Variants in SAMD11 observed in about 807,000 individuals in gnomAD.
The protein encoded by SAMD11 is sterile alpha motif domain-containing protein 11.
Under a neutral mutation model 64.4 loss-of-function variants are expected in SAMD11, and 77 were observed. That is an observed-to-expected ratio of 1.20 (90% CI 0.99 to 1.44). The LOEUF is 1.44. Among genes scored for constraint, SAMD11 ranks in the 40% most tolerant of loss-of-function variants. The pLI is 0.00. For missense variants in SAMD11, 1,402 were observed against 943.3 expected, an observed-to-expected ratio of 1.49 and a Z score of -6.37; for synonymous variants, 658 against 421.9, an observed-to-expected ratio of 1.56 and a Z score of -6.86.
At chr1:932,427 G>A (rs1242223416) in intron 4 of SAMD11, among the ~76,000 whole-genome samples, 1 of 152,220 alleles carries the variant, frequency 6.6e-6, no homozygotes. Flanking sequence ...AAGGGGCTAG[G>A]ATGAGTTTCT....
In SAMD11 at chr1:930,071, G is replaced by A. The variant is rs981273314; in HGVS notation, c.610-84G>A. 53 of 1,445,528 alleles carry A rather than the reference G, an allele frequency of 3.7e-5. No individual in the cohort carries two copies. The African/African-American group carries it at 4.7e-4, about 13-fold the overall frequency. The allele number at this position is 1,445,528 out of a possible 1,614,324, so 89.5% of individuals were successfully genotyped here. A position where few individuals can be genotyped will look rare whatever the true frequency, so the allele number is the denominator to read the frequency against. ...AGGGCAGACCCCCGGGAGATGGAAC[G>A]GCCCGGTCCAGCCCCACCTTCCTCT... On this transcript the variant is annotated intron_variant, in intron 2 of 13. Coordinates refer to ENST00000616016, the MANE Select transcript of SAMD11 (RefSeq NM_001385641.1).
In SAMD11 at chr1:942,417, C is replaced by T. The variant is rs1369448270; in HGVS notation, c.1482C>T (p.Gly494=). 6 of 1,482,904 alleles carry T rather than the reference C, an allele frequency of 4.0e-6. No individual in the cohort carries two copies. The highest frequency in any genetic ancestry group is 5.3e-6 in the Non-Finnish European group (6 of 1,122,758). The allele number at this position is 1,482,904 out of a possible 1,614,324, so 91.9% of individuals were successfully genotyped here. A position where few individuals can be genotyped will look rare whatever the true frequency, so the allele number is the denominator to read the frequency against. Reference sequence around the variant, plus strand: ...TGTCCCCCTCCCCACCAGGCTACGGCTTCCTGCCCCCCGCGCAGGCGGAGA... The same window carrying T: ...TGTCCCCCTCCCCACCAGGCTACGGTTTCCTGCCCCCCGCGCAGGCGGAGA... ...PSALCQTPGY[G]FLPPAQAEMF... The change falls in exon 10 of 14, where the codon GGC becomes GGT. Residue 494 remains glycine (G), a synonymous_variant. Transcript: ENST00000616016.
chr1:934,077 GCGTTACAGGTGGGCAGGGGAGGCGGCTC>G (rs1557603638), intron 4 of SAMD11, among the ~76,000 whole-genome samples: 2 of 2,040 alleles, frequency 9.8e-4, no homozygotes, highest in African/African-American at 7.8e-4. Flanking sequence ...GGAGGCGGCT[GCGTTACAGGTGGGCAGGGGAGGCGGCTC>G]CGTTACAGGT....
At position 942,140 on chromosome 1, in the gene SAMD11, C is replaced by T. The variant is rs1321609392; in HGVS notation, c.1363C>T (p.Leu455=). ...TCATTGCGCTGCCGTCCACAGGGAG[C>T]TGCCTCAGCCGCCCCCCTTGCTGTC... ...AAAPSFSERE[L]PQPPPLLSPQ... Residue 455 remains leucine (L), a synonymous_variant, in exon 9 of 14, where the codon CTG becomes TTG. Transcript: ENST00000616016. 2 of 1,353,554 alleles carry T rather than the reference C, an allele frequency of 1.5e-6. No individual in the cohort carries two copies. Among genetic ancestry groups the T allele is most frequent in the East Asian group, 5.7e-5 (2 of 34,898 alleles). The allele number at this position is 1,353,554 out of a possible 1,614,324, so 83.8% of individuals were successfully genotyped here. A position where few individuals can be genotyped will look rare whatever the true frequency, so the allele number is the denominator to read the frequency against.
chr1:938,015 G>GT (rs938418065), intron 5 of SAMD11, among the ~76,000 whole-genome samples: 1 of 152,212 alleles, frequency 6.6e-6, no homozygotes, highest in Non-Finnish European at 1.5e-5. Flanking sequence ...TCACAGGGGA[G>GT]TGGCCCCTCA....
rs1236337575 is a variant in SAMD11 at position 943,788 on chromosome 1, G to A, written c.2269G>A (p.Ala757Thr). 2.5e-6 allele frequency: 4 copies of A among 1,612,552 alleles called. No individual in the cohort carries two copies. Among genetic ancestry groups the A allele is most frequent in the South Asian group, 1.1e-5 (1 of 91,046 alleles). ...CAACATGGGGCTGAAGCTGGGGCCC[G>A]CCCTCAAGATCCGGGCCCAGGTGAG... Reference protein sequence around the residue: ...LTNMGLKLGPALKIRAQVARR... With the variant: ...LTNMGLKLGPTLKIRAQVARR... Residue 757 changes from alanine to threonine, a missense_variant, in exon 13 of 14, where the codon GCC (alanine) becomes ACC (threonine). Physicochemically the swap from Ala to Thr is moderately conservative, Grantham distance 58. Coordinates refer to ENST00000616016, the MANE Select transcript of SAMD11 (RefSeq NM_001385641.1).
intron 4 of SAMD11, among the ~76,000 whole-genome samples, chr1:932,413 C>G (rs1282593968): frequency 6.6e-6 from 1 of 152,186 alleles, no homozygotes; most frequent in African/African-American, 2.4e-5. Flanking sequence ...TGCACGGGCC[C>G]TAGAAGGGGC....
chr1:929,517 G>A (rs1412200971), intron 2 of SAMD11, among the ~76,000 whole-genome samples: 1 of 152,266 alleles, frequency 6.6e-6, no homozygotes, highest in African/African-American at 2.4e-5. Flanking sequence ...GCGTGGCGCT[G>A]ATGAAATAGA....
chr1:938,463 G>A (rs1641577018), intron 5 of SAMD11, among the ~76,000 whole-genome samples: 1 of 152,212 alleles, frequency 6.6e-6, no homozygotes, highest in South Asian at 2.1e-4. Flanking sequence ...GGCAGGACTG[G>A]GCCAGAGAGG....
At position 942,913 on chromosome 1, in the gene SAMD11, C is replaced by T; in HGVS notation, c.1908C>T (p.Asp636=). The part of the protein sequence containing the change: ...DEPPKDSDGE[D]PETAAVGCRG... ...CCCCCAAAGACTCGGACGGAGAGGA[C>T]CCCGAGACGGCAGCTGTTGGGTGCA... The change falls in exon 11 of 14, where the codon GAC becomes GAT. Residue 636 remains aspartate (D), a synonymous_variant. Transcript: ENST00000616016. 3 of 1,555,654 alleles carry T rather than the reference C, an allele frequency of 1.9e-6. No individual in the cohort carries two copies. The highest frequency in any genetic ancestry group is 1.7e-4 in the Middle Eastern group (1 of 5,986).
Position 931,027 on chromosome 1 carries a change from C to G in SAMD11, c.792-12C>G, listed in dbSNP as rs1267861518. ...CCAGAGCAACATGGACCTTCTGCTT[C>G]CCTTCCTGCAGAGTCCACACCCACT... is the stretch of plus-strand genomic sequence containing the variant. On this transcript the variant is annotated splice_polypyrimidine_tract_variant and intron_variant, in intron 3 of 13. Coordinates refer to ENST00000616016, the MANE Select transcript of SAMD11 (RefSeq NM_001385641.1). 1.9e-6 allele frequency: 3 copies of G among 1,611,774 alleles called. No homozygotes were observed. Among genetic ancestry groups the G allele is most frequent in the South Asian group, 1.1e-5 (1 of 91,062 alleles).
At position 931,051 on chromosome 1, in the gene SAMD11, C is replaced by T. The variant is rs2100309632; in HGVS notation, c.804C>T (p.His268=). 2 of 1,613,012 alleles carry T rather than the reference C, an allele frequency of 1.2e-6. No homozygotes were observed. The highest frequency in any genetic ancestry group is 1.7e-6 in the Non-Finnish European group (2 of 1,179,712). ...IRIMKRRVHT[H]WDVNISFREA... ...TCCCTTCCTGCAGAGTCCACACCCA[C>T]TGGGACGTGAACATCTCTTTCCGAG... Residue 268 remains histidine, a synonymous_variant, in exon 4 of 14, where the codon CAC becomes CAT. Coordinates refer to ENST00000616016, the MANE Select transcript of SAMD11 (RefSeq NM_001385641.1).
chr1:941,278 C>A lies in SAMD11; in HGVS notation c.1330C>A (p.Pro444Thr), dbSNP rs1261607217. 1 of 1,595,022 alleles carries A rather than the reference C, an allele frequency of 6.3e-7. No homozygotes were observed. Among genetic ancestry groups the A allele is most frequent in the South Asian group, 1.1e-5 (1 of 89,146 alleles). The change falls in exon 8 of 14, where the codon CCA (proline) becomes ACA (threonine). Residue 444 changes from proline to threonine, a missense_variant. By Grantham distance (38) the Pro-to-Thr change is conservative (BLOSUM62 -1). Coordinates refer to ENST00000616016, the MANE Select transcript of SAMD11 (RefSeq NM_001385641.1). ...GLAQHREGAA[P>T]AAAPSFSERE... ...GGCTCAGCACCGGGAGGGCGCCGCC[C>A]CAGCTGCCGCCCCGTCCTTCTCGGA... is the stretch of plus-strand genomic sequence containing the variant.
intron 5 of SAMD11, among the ~76,000 whole-genome samples, chr1:936,737 C>T (rs1641473764): frequency 6.6e-6 from 1 of 152,164 alleles, no homozygotes; most frequent in Non-Finnish European, 1.5e-5. Flanking sequence ...CCCCCATCCG[C>T]GTCCTCGTGC....
Position 943,037 on chromosome 1 carries a change from G to T in SAMD11, c.2032G>T (p.Val678Phe). The T allele has an allele frequency of 6.5e-7, 1 of 1,530,772 alleles. No homozygotes were observed. Among genetic ancestry groups the T allele is most frequent in the Non-Finnish European group, 8.8e-7 (1 of 1,140,794 alleles). The allele number at this position is 1,530,772 out of a possible 1,614,324, so 94.8% of individuals were successfully genotyped here. ...STLPLGFPYA[V>F]SPYFHTGAVG... ...ACTGCCCCTGGGCTTCCCTTATGCC[G>T]TCAGCCCCTACTTCCACACAGGTGG... The change falls in exon 11 of 14, where the codon GTC (valine) becomes TTC (phenylalanine). Residue 678 changes from valine (V) to phenylalanine (F), a missense_variant. Val to Phe is a conservative substitution (Grantham distance 50). Coordinates refer to ENST00000616016, the MANE Select transcript of SAMD11 (RefSeq NM_001385641.1).
chr1:927,635 G>A (rs954431844), intron 2 of SAMD11, among the ~76,000 whole-genome samples: 9 of 152,252 alleles, frequency 5.9e-5, no homozygotes, highest in African/African-American at 2.2e-4. Flanking sequence ...AAATCCGCAG[G>A]CATGTGCACC....
chr1:941,331 G>C (rs909769504), intron 8 of SAMD11, 25 bp downstream of exon 8: 7 of 1,521,146 alleles, frequency 4.6e-6, no homozygotes, highest in Non-Finnish European at 5.3e-6. Context: ...GCCGTTCTCT[G>C]CTTGTTTCTG....
At chr1:926,247 G>A (rs1489914286) in intron 2 of SAMD11, among the ~76,000 whole-genome samples, 2 of 152,230 alleles carry the variant, frequency 1.3e-5, no homozygotes, top group Non-Finnish European at 2.9e-5. Context: ...AGACAGGGGG[G>A]CCGCGCTTGT....
intron 5 of SAMD11, among the ~76,000 whole-genome samples, chr1:937,005 C>T (rs933633976): frequency 4.6e-5 from 7 of 152,218 alleles, no homozygotes; most frequent in East Asian, 1.9e-4. Context: ...GGGGGTTGCC[C>T]GGCAGCTCTC....
Sources: allele counts gnomAD v4.1 joint callset (sites outside exome capture counted in the v4.1 genomes callset), GRCh38; gene constraint gnomAD v4.1.1; transcripts MANE v1.5; gene names NCBI Gene and HGNC (gene_info 2026-07-23, HGNC 2026-07-21).